Variants in IRX4 observed in about 807,000 individuals in gnomAD.
IRX4 encodes iroquois homeobox 4, also known as iroquois-class homeodomain protein IRX-4.
In IRX4, 22 loss-of-function variants were observed where a neutral mutation model predicts 32.0. The observed-to-expected ratio is 0.69, with a 90% CI of 0.49 to 0.98. IRX4 has a LOEUF of 0.98. Ranked by LOEUF, IRX4 falls within the 50% of genes least tolerant of loss-of-function variation. IRX4 has a pLI of 0.00. For synonymous variants in IRX4, 379 were observed against 351.7 expected (o/e 1.08, Z -0.87); for missense variants, 840 against 744.2 (o/e 1.13, Z -1.50).
rs575458706 is a variant in IRX4, at chr5:1,879,423, C to T, written c.736+81G>A. 53 of 1,596,162 alleles carry T rather than the reference C, an allele frequency of 3.3e-5. No homozygotes were observed. In the African/African-American group the frequency reaches 5.6e-4, roughly 17 times the overall value. On this transcript the variant is annotated intron_variant, in intron 4 of 4. Transcript: ENST00000231357. ...GCATGGGGCTCGGCGTTTGGGACCC[C>T]CAAGACGTCCTAGAACCGCAGAGAA...
upstream of IRX4, among the ~76,000 whole-genome samples, chr5:1,883,598 G>T (rs1396446805): frequency 2.6e-5 from 4 of 152,230 alleles, no homozygotes; most frequent in African/African-American, 9.6e-5. Context: ...TGAGACTGGC[G>T]GCCCGAGGGC....
chr5:1,885,670 C>G (rs946944835), upstream of IRX4, among the ~76,000 whole-genome samples: 3 of 152,192 alleles, frequency 2.0e-5, no homozygotes, highest in Non-Finnish European at 4.4e-5. Flanking sequence ...TTGGCGACCA[C>G]CGGGACATCT....
At chr5:1,884,860 C>T (rs1283075455), upstream of IRX4, among the ~76,000 whole-genome samples, 3 of 151,850 alleles carry the variant, frequency 2.0e-5, no homozygotes, top group East Asian at 3.9e-4. Context: ...CTCCTCCCCA[C>T]TCCTTGCAGT....
chr5:1,882,253 G>T (rs1361648575), intron 1 of IRX4, among the ~76,000 whole-genome samples, 194 bp from the exon 2 acceptor site: 1 of 150,128 alleles, frequency 6.7e-6, no homozygotes, highest in Non-Finnish European at 1.5e-5. Flanking sequence ...GGGCCCAGCC[G>T]AGCACCTACA....
In IRX4 at chr5:1,878,449, T is replaced by A. The variant is rs767178159; in HGVS notation, c.1080A>T (p.Ala360=). 5.2e-5 allele frequency: 76 copies of A among 1,462,680 alleles called. No homozygotes were observed. Among genetic ancestry groups the A allele is most frequent in the Non-Finnish European group, 5.1e-5 (57 of 1,112,748 alleles). The allele number at this position is 1,462,680 out of a possible 1,614,324, so 90.6% of individuals were successfully genotyped here. The part of the protein sequence containing the change: ...KLGFVPAGAS[A]GLEAKPRIWS... The stretch of plus-strand genomic sequence containing the variant: ...AGATGCGCGGCTTAGCCTCCAGGCC[T>A]GCCGACGCCCCCGCCGGCACAAACC... Residue 360 remains alanine, a synonymous_variant, in exon 5 of 5, where the codon GCA becomes GCT. Transcript: ENST00000231357.
At chr5:1,881,219 A>G in intron 2 of IRX4, 1 of 231,828 alleles carries the variant, frequency 4.3e-6, no homozygotes, top group Non-Finnish European at 8.2e-6. Flanking sequence ...GATGCACTCA[A>G]GTGGGGAGGA....
At chr5:1,881,743 G>T in intron 2 of IRX4, 65 bp downstream of exon 2, 1 of 1,544,964 alleles carries the variant, frequency 6.5e-7, no homozygotes, top group South Asian at 1.2e-5. Flanking sequence ...CGCCTACTGG[G>T]GCAAAAGTGG....
At chr5:1,886,802 T>A (rs543991423), upstream of IRX4, 1 of 151,888 alleles carries the variant, frequency 6.6e-6, no homozygotes, top group Non-Finnish European at 1.5e-5. Flanking sequence ...TAGCAAACTT[T>A]GTCCCCTTAA....
At position 1,877,639 on chromosome 5, in the gene IRX4, A is replaced by G. The variant is rs988084555; in HGVS notation, c.*330T>C. 4 of 335,242 alleles carry G rather than the reference A, an allele frequency of 1.2e-5. No homozygotes were observed. The highest frequency in any genetic ancestry group is 1.6e-5 in the Non-Finnish European group (3 of 185,362). 20.8% of individuals were successfully genotyped at this position (335,242 alleles called of 1,614,324 possible). A position where few individuals can be genotyped will look rare whatever the true frequency, so the allele number is the denominator to read the frequency against. On this transcript the variant is annotated 3_prime_UTR_variant, in exon 5 of 5. Coordinates refer to ENST00000231357, the MANE Select transcript of IRX4 (RefSeq NM_016358.3). ...CCTCACGCCCAGGGGACAGCAGACC[A>G]CGCTTCAGAACGGAACCGCCTTCTC...
intron 4 of IRX4, among the ~76,000 whole-genome samples, chr5:1,879,093 G>A (rs905311082): frequency 6.6e-6 from 1 of 151,906 alleles, no homozygotes; most frequent in Non-Finnish European, 1.5e-5. Flanking sequence ...CAGGGTTCAG[G>A]GCATTCTCCT....
intron 4 of IRX4, among the ~76,000 whole-genome samples, 171 bp from the exon 5 acceptor site, chr5:1,878,963 C>G (rs557671058): frequency 6.6e-6 from 1 of 151,894 alleles, no homozygotes; most frequent in Non-Finnish European, 1.5e-5. Flanking sequence ...ACTGGCAACA[C>G]AGGGGCCTCC....
At chr5:1,885,092 C>A (rs55664501), upstream of IRX4, among the ~76,000 whole-genome samples, 24,282 of 152,108 alleles carry the variant, frequency 0.16, 2,205 homozygotes, top group African/African-American at 0.25. Flanking sequence ...GTGAGCACTC[C>A]GCCGGCTGAG....
At chr5:1,884,005 G>A (rs548335255), upstream of IRX4, 1 of 152,420 alleles carries the variant, frequency 6.6e-6, no homozygotes, top group Admixed American at 6.5e-5. Flanking sequence ...CGGAGCAATC[G>A]GAAGAGGGGA....
rs956672023 is a variant in IRX4, at chr5:1,882,519, G to A, written c.45+84C>T. ...GCTCGGAAGCCGCAGGCAGTCGTAG[G>A]TCGGACACTCCCCACCCCCCGTCCC... On this transcript the variant is annotated intron_variant, in intron 1 of 4. Transcript: ENST00000231357. 8.2e-6 allele frequency: 10 copies of A among 1,224,080 alleles called. 1 individual carries two copies. The Admixed American group carries it at 1.3e-4, about 16-fold the overall frequency. 75.8% of individuals were successfully genotyped at this position (1,224,080 alleles called of 1,614,324 possible). A position where few individuals can be genotyped will look rare whatever the true frequency, so the allele number is the denominator to read the frequency against.
In IRX4 at chr5:1,882,693, C is replaced by A. The variant is rs1193727618; in HGVS notation, c.-46G>T. The A allele has an allele frequency of 8.0e-7, 1 of 1,249,744 alleles. No homozygotes were observed. Among genetic ancestry groups the A allele is most frequent in the Admixed American group, 4.0e-5 (1 of 24,830 alleles). The allele number at this position is 1,249,744 out of a possible 1,614,324, so 77.4% of individuals were successfully genotyped here. ...GACGGGCGGGGCCTGCAGGGTTCTG[C>A]GCGCTGGGGCCGGCGTGGCGCGGCC... On this transcript the variant is annotated 5_prime_UTR_variant, in exon 1 of 5. Transcript: ENST00000231357.
intron 3 of IRX4, chr5:1,880,227 A>G (rs1262605830): frequency 4.5e-6 from 5 of 1,115,526 alleles, no homozygotes; most frequent in Non-Finnish European, 6.4e-6. Context: ...ACTGCCCAGG[A>G]GGAGAAAGCA....
rs1172029542 is a variant in IRX4, at chr5:1,879,576, C to A, written c.664G>T (p.Ala222Ser). 6.8e-6 allele frequency: 11 copies of A among 1,613,728 alleles called. No homozygotes were observed. The highest frequency in any genetic ancestry group is 1.3e-5 in the African/African-American group (1 of 74,952). The change falls in exon 4 of 5, where the codon GCG (alanine) becomes TCG (serine). Residue 222 changes from alanine to serine, a missense_variant. Physicochemically the swap from Ala to Ser is moderately conservative, Grantham distance 99. Transcript: ENST00000231357. ...NKCADEKRPY[A>S]EGEEEEGGEE... is the part of the protein sequence containing the mutation. ...CCCCCCTCCTCCTCCTCGCCCTCCG[C>A]GTAGGGCCGCTTCTCGTCTGCGCAC... is the stretch of plus-strand genomic sequence containing the variant.
At chr5:1,880,534 G>A (rs1439243762) in intron 3 of IRX4, among the ~76,000 whole-genome samples, 191 bp downstream of exon 3, 2 of 152,232 alleles carry the variant, frequency 1.3e-5, no homozygotes, top group Non-Finnish European at 2.9e-5. Context: ...TTTAACCATG[G>A]CTGTGCAGGA....
chr5:1,880,770 G>C lies in IRX4; in HGVS notation c.362C>G (p.Ala121Gly), dbSNP rs781289265. The change falls in exon 3 of 5, where the codon GCC (alanine) becomes GGC (glycine). Residue 121 changes from alanine to glycine, a missense_variant. Physicochemically the swap from Ala to Gly is moderately conservative, Grantham distance 60 (BLOSUM62 0). This residue lies in a region of IRX4 where 241 missense variants were observed against 220.8 expected (regional missense o/e 1.09). Transcript: ENST00000231357. ...AHGGLAPAAA[A>G]YYPYEPALGQ... ...CAGAGCTGGCTCGTAAGGGTAGTAG[G>C]CGGCAGCGGCTGGTGCCAGGCCCCC... 3.1e-6 allele frequency: 5 copies of C among 1,613,674 alleles called. No individual in the cohort carries two copies. In the African/African-American group the frequency reaches 4.0e-5, roughly 13 times the overall value.
Sources: gnomAD v4.1 joint callset for allele counts (sites outside exome capture counted in the v4.1 genomes callset) on GRCh38, gnomAD v4.1.1 for gene constraint, gnomAD v4.1.1 regional missense constraint, MANE v1.5 for transcripts, NCBI Gene and HGNC (gene_info 2026-07-23, HGNC 2026-07-21) for gene names.